Variants in APLP2 observed in about 807,000 individuals in gnomAD.
The protein encoded by APLP2 is amyloid beta precursor like protein 2.
Under a neutral mutation model 89.9 loss-of-function variants are expected in APLP2, and 53 were observed. The observed-to-expected ratio is 0.59, with a 90% CI of 0.47 to 0.74. The LOEUF (loss-of-function observed/expected upper bound fraction) is 0.74, where lower values mean the gene tolerates loss of function less well. Among genes scored for constraint, APLP2 ranks in the 30% least tolerant of loss-of-function variants. APLP2 has a pLI of 0.00. For synonymous variants in APLP2, 372 were observed against 348.6 expected (o/e 1.07, Z -0.75); for missense variants, 973 against 975.9 (o/e 1.00, Z 0.04).
Position 130,123,519 on chromosome 11 carries a change from C to T in APLP2, c.923-93C>T. The T allele has an allele frequency of 7.2e-7, 1 of 1,391,750 alleles. No homozygotes were observed. The highest frequency in any genetic ancestry group is 1.4e-5 in the African/African-American group (1 of 70,040). 86.2% of individuals were successfully genotyped at this position (1,391,750 alleles called of 1,614,324 possible). ...GGCTCCGTCCAGTCTCAGGCCTCCC[C>T]CAGCCCATCCCCCAGCTCGCCAGCC... On this transcript the variant is annotated intron_variant, in intron 6 of 16. Transcript: ENST00000338167. This position sits in a 1 kb window ranked among gnomAD's most constrained non-coding sequence, Gnocchi z 4.0.
intron 1 of APLP2, among the ~76,000 whole-genome samples, chr11:130,107,133 C>T (rs1947895059): frequency 6.6e-6 from 1 of 152,156 alleles, no homozygotes; most frequent in South Asian, 2.1e-4. Context: ...ACTCTTATAT[C>T]CTAAACACTT....
At chr11:130,114,313 C>T (rs952979014) in intron 3 of APLP2, 5 of 152,260 alleles carry the variant, frequency 3.3e-5, no homozygotes, top group South Asian at 4.1e-4. Context: ...TCACTGGCTA[C>T]GATACTGCCA....
chr11:130,085,115 G>A (rs984252532), intron 1 of APLP2, among the ~76,000 whole-genome samples: 4 of 152,146 alleles, frequency 2.6e-5, no homozygotes, highest in Admixed American at 2.0e-4. Flanking sequence ...GAAAACTTGA[G>A]CAGATCAGTA....
intron 16 of APLP2, among the ~76,000 whole-genome samples, chr11:130,142,410 C>T (rs1470564402): frequency 2.0e-5 from 3 of 151,624 alleles, no homozygotes; most frequent in Admixed American, 2.0e-4. Flanking sequence ...AAAGGAGCAA[C>T]AGGAAATTTA....
chr11:130,092,722 A>AGGGGGAGGGGGAGG (rs796802846), intron 1 of APLP2, among the ~76,000 whole-genome samples: 1 of 99,084 alleles, frequency 1.0e-5, no homozygotes, highest in African/African-American at 4.1e-5. Context: ...GGGGAGGGGG[A>AGGGGGAGGGGGAGG]GGGAGAGGGA....
Position 130,142,137 on chromosome 11 carries a change from G to A in APLP2, c.2154+63G>A, listed in dbSNP as rs1952494837. The A allele has an allele frequency of 4.0e-6, 6 of 1,505,280 alleles. No homozygotes were observed. In the African/African-American group the frequency reaches 8.2e-5, roughly 21 times the overall value. 93.2% of individuals were successfully genotyped at this position (1,505,280 alleles called of 1,614,324 possible). ...TGGGCTGGGTTGGGGGTGGGAACCT[G>A]TGGAATTAATAGGCATCTTCACTCC... On this transcript the variant is annotated intron_variant, in intron 16 of 16. Transcript: ENST00000338167.
intron 1 of APLP2, among the ~76,000 whole-genome samples, chr11:130,091,036 G>A (rs1591778299): frequency 1.5e-5 from 2 of 135,130 alleles, no homozygotes; most frequent in African/African-American, 5.7e-5. Flanking sequence ...CTGGCCGGGC[G>A]GGGGGCCGAC....
chr11:130,116,688 T>C (rs1949216669), intron 3 of APLP2, among the ~76,000 whole-genome samples: 1 of 151,604 alleles, frequency 6.6e-6, no homozygotes, highest in South Asian at 2.1e-4. Context: ...GCCAGGCTGG[T>C]CTTGAACTCC....
At position 130,121,711 on chromosome 11, in the gene APLP2, A is replaced by G. The variant is rs11822318; in HGVS notation, c.614A>G (p.Gln205Arg). 6.0e-4 allele frequency: 962 copies of G among 1,614,168 alleles called. 4 individuals carry two copies. The African/African-American group carries it at 0.012, about 20-fold the overall frequency. Residue 205 changes from glutamine to arginine, a missense_variant, in exon 5 of 17, where the codon CAG becomes CGG. Coordinates refer to ENST00000338167, the MANE Select transcript of APLP2 (RefSeq NM_001142276.2). ...GGCACTGAATATGTGTGCTGCCCTC[A>G]GACAAAGATTATTGGATCTGTGTCA... ...FHGTEYVCCP[Q>R]TKIIGSVSKE...
chr11:130,133,583 A>T, intron 11 of APLP2, 46 bp from the exon 12 acceptor site: 1 of 1,415,744 alleles, frequency 7.1e-7, no homozygotes, highest in Non-Finnish European at 1.0e-6. Flanking sequence ...CTCCTGGCCT[A>T]GTTGTTTTCA....
chr11:130,113,622 T>A (rs1278405329), intron 3 of APLP2, among the ~76,000 whole-genome samples: 1 of 152,030 alleles, frequency 6.6e-6, no homozygotes, highest in African/African-American at 2.4e-5. Context: ...CCCTTATCAG[T>A]TAGATTTTGA....
At chr11:130,129,836 A>G (rs1455574513) in intron 10 of APLP2, among the ~76,000 whole-genome samples, 1 of 152,262 alleles carries the variant, frequency 6.6e-6, no homozygotes, top group African/African-American at 2.4e-5. Flanking sequence ...AGGAGCCAGT[A>G]TAACTTTGGA....
intron 3 of APLP2, among the ~76,000 whole-genome samples, chr11:130,117,257 A>T (rs2135897021): frequency 6.6e-6 from 1 of 152,338 alleles, no homozygotes; most frequent in East Asian, 1.9e-4. Context: ...ATTTAATTTT[A>T]TGGTTTAGCA....
In APLP2 at chr11:130,109,582, G is replaced by A. The variant is rs1240595332; in HGVS notation, c.259G>A (p.Val87Ile). 1 of 1,613,198 alleles carries A rather than the reference G, an allele frequency of 6.2e-7. No individual in the cohort carries two copies. The highest frequency in any genetic ancestry group is 8.5e-7 in the Non-Finnish European group (1 of 1,179,572). ...TKSCFETKEEVLQYCQEMYPE... is the reference protein window; with the variant it reads ...TKSCFETKEEILQYCQEMYPE... ...GAGCTGCTTTGAAACAAAAGAAGAA[G>A]TTCTTCAGTACTGTCAGGAGGTAAG... Residue 87 changes from valine to isoleucine, a missense_variant, in exon 2 of 17, where the codon GTT (valine) becomes ATT (isoleucine). By Grantham distance (29) the Val-to-Ile change is conservative. Coordinates refer to ENST00000338167, the MANE Select transcript of APLP2 (RefSeq NM_001142276.2).
intron 3 of APLP2, among the ~76,000 whole-genome samples, chr11:130,112,636 A>G (rs1591812274): frequency 6.6e-6 from 1 of 152,118 alleles, no homozygotes; most frequent in Admixed American, 6.5e-5. Context: ...TCAGATTCCC[A>G]CTGCCCTAGC....
intron 7 of APLP2, among the ~76,000 whole-genome samples, chr11:130,125,763 A>G (rs372924757): frequency 3.3e-5 from 5 of 152,348 alleles, no homozygotes; most frequent in East Asian, 3.9e-4. Context: ...GTCATAATCT[A>G]TCAAGCAAGT....
intron 3 of APLP2, among the ~76,000 whole-genome samples, chr11:130,116,672 A>G (rs11221973): frequency 0.24 from 35,900 of 151,522 alleles, 7,882 homozygotes; most frequent in African/African-American, 0.58. Context: ...GGGTTTCCCC[A>G]TGTTGGCCAG....
rs184705588 is a variant in APLP2 at position 130,137,122 on chromosome 11, G to A, written c.1837+1407G>A. On this transcript the variant is annotated intron_variant, in intron 13 of 16. Coordinates refer to ENST00000338167, the MANE Select transcript of APLP2 (RefSeq NM_001142276.2). ...GTTTATGGGATATTTCAGGCAGGGT[G>A]TTTTTAAGGAGGAATACTTTTTGTT... The A allele has an allele frequency of 4.3e-3, 3,381 of 781,980 alleles. 13 individuals are homozygous for A. Among genetic ancestry groups the A allele is most frequent in the Non-Finnish European group, 6.1e-3 (2,861 of 471,014 alleles). The allele number at this position is 781,980 out of a possible 1,614,324, so 48.4% of individuals were successfully genotyped here.
intron 1 of APLP2, among the ~76,000 whole-genome samples, chr11:130,100,719 C>T (rs1253696460): frequency 6.6e-6 from 1 of 152,180 alleles, no homozygotes; most frequent in African/African-American, 2.4e-5. Flanking sequence ...GTATAAATTA[C>T]TGTCTGTGAA....
Sources: gnomAD v4.1 joint callset for allele counts (sites outside exome capture counted in the v4.1 genomes callset) on GRCh38, gnomAD v4.1.1 for gene constraint, Gnocchi (gnomAD v3.1) non-coding constraint, MANE v1.5 for transcripts, NCBI Gene and HGNC (gene_info 2026-07-23, HGNC 2026-07-21) for gene names.